The following CSMD1 variants were observed in gnomAD, a reference collection of about 807,000 sequenced individuals.
The protein encoded by CSMD1 is CUB and Sushi multiple domains 1.
CSMD1 carries 213 observed loss-of-function variants against 417.5 expected under a neutral mutation model. The observed-to-expected ratio is 0.51, with a 90% CI of 0.46 to 0.57. The LOEUF is 0.57. Among genes scored for constraint, CSMD1 ranks in the 20% least tolerant of loss-of-function variants. CSMD1 has a pLI of 0.00. For missense variants in CSMD1, 6,923 were observed against 4,529.7 expected (o/e 1.53, Z -15.17); for synonymous variants, 2,862 against 1,736.8 (o/e 1.65, Z -16.11).
chr8:3,105,139 A>G (rs1180869351), intron 46 of CSMD1, among the ~76,000 whole-genome samples: 2 of 152,250 alleles, frequency 1.3e-5, no homozygotes, highest in Non-Finnish European at 2.9e-5. Context: ...TCAAAAAGAT[A>G]AATTCATTTA....
chr8:3,367,304 G>C (rs1229905135), intron 19 of CSMD1, 57 bp from the exon 20 acceptor site: 2 of 775,830 alleles, frequency 2.6e-6, no homozygotes, highest in Non-Finnish European at 3.7e-6. Context: ...ACGGGGCGGC[G>C]GGGGCAGAGA....
intron 5 of CSMD1, among the ~76,000 whole-genome samples, chr8:3,925,587 C>G (rs1483184406): frequency 1.4e-4 from 22 of 152,076 alleles, no homozygotes; most frequent in Admixed American, 7.9e-4. Flanking sequence ...TCGTGGAGAC[C>G]AGTCTTTCCC....
intron 3 of CSMD1, among the ~76,000 whole-genome samples, chr8:4,233,705 C>A (rs372465701): frequency 6.6e-6 from 1 of 152,110 alleles, no homozygotes; most frequent in Admixed American, 6.6e-5. Flanking sequence ...TTTGGTACAG[C>A]AGCCCCAACA....
intron 3 of CSMD1, among the ~76,000 whole-genome samples, chr8:4,358,658 C>A (rs1348456071): frequency 2.0e-5 from 3 of 152,136 alleles, no homozygotes; most frequent in South Asian, 4.1e-4. Flanking sequence ...CCTTTTAGTG[C>A]TAACTTGGTA....
chr8:4,872,618 C>G (rs1361361398), intron 1 of CSMD1, among the ~76,000 whole-genome samples: 1 of 152,084 alleles, frequency 6.6e-6, no homozygotes, highest in Non-Finnish European at 1.5e-5. Flanking sequence ...TCAGGCAGTT[C>G]TTTACAGTGG....
intron 8 of CSMD1, among the ~76,000 whole-genome samples, chr8:3,595,126 C>T (rs775854660): frequency 8.5e-5 from 13 of 152,296 alleles, no homozygotes; most frequent in Non-Finnish European, 1.8e-4. Flanking sequence ...TTTTACACTA[C>T]TCAGATGGGA....
At chr8:3,177,334 C>G (rs1231340985) in intron 37 of CSMD1, among the ~76,000 whole-genome samples, 1 of 152,178 alleles carries the variant, frequency 6.6e-6, no homozygotes, top group East Asian at 1.9e-4. Context: ...AGAGCTCTCC[C>G]AGCCCCCAGT....
intron 26 of CSMD1, among the ~76,000 whole-genome samples, chr8:3,256,987 G>C (rs549537459): frequency 6.6e-6 from 1 of 152,298 alleles, no homozygotes; most frequent in South Asian, 2.1e-4. Context: ...ATTTGTAAGA[G>C]AATTTTCATT....
At chr8:3,945,352 C>G (rs1171965418) in intron 5 of CSMD1, among the ~76,000 whole-genome samples, 1 of 152,002 alleles carries the variant, frequency 6.6e-6, no homozygotes, top group Non-Finnish European at 1.5e-5. Flanking sequence ...ATGATGTCCA[C>G]AAAGCTTTCA....
intron 2 of CSMD1, among the ~76,000 whole-genome samples, chr8:4,444,596 G>C (rs1030544166): frequency 2.0e-5 from 3 of 152,070 alleles, no homozygotes; most frequent in Non-Finnish European, 4.4e-5. Flanking sequence ...GAAATGCTGA[G>C]CATTCTGCAC....
At chr8:2,997,487 G>A (rs1049730252) in intron 54 of CSMD1, among the ~76,000 whole-genome samples, 2 of 152,082 alleles carry the variant, frequency 1.3e-5, no homozygotes, top group African/African-American at 2.4e-5. Flanking sequence ...ACCAATAAGA[G>A]TGATGTTGTA....
intron 18 of CSMD1, among the ~76,000 whole-genome samples, chr8:3,377,340 T>C (rs1029381127): frequency 1.2e-4 from 19 of 152,206 alleles, no homozygotes; most frequent in African/African-American, 3.4e-4. Context: ...ACAAATTCTT[T>C]ATACTGAGAA....
chr8:4,061,631 G>A (rs1798977965), intron 3 of CSMD1, among the ~76,000 whole-genome samples: 2 of 152,176 alleles, frequency 1.3e-5, no homozygotes, highest in Admixed American at 1.3e-4. Flanking sequence ...GACAGATTCT[G>A]CAAGGGAGGA....
chr8:3,959,701 A>G (rs1812194525), intron 5 of CSMD1, among the ~76,000 whole-genome samples: 1 of 152,194 alleles, frequency 6.6e-6, no homozygotes. Flanking sequence ...TCTTTATATG[A>G]TATACCTGAA....
chr8:4,418,934 G>C (rs779031529), intron 3 of CSMD1, among the ~76,000 whole-genome samples: 3 of 152,146 alleles, frequency 2.0e-5, no homozygotes, highest in Admixed American at 1.3e-4. Context: ...TTAAGCAAAA[G>C]GATAAGTCGG....
intron 6 of CSMD1, among the ~76,000 whole-genome samples, chr8:3,739,506 G>C (rs1796687802): frequency 6.6e-6 from 1 of 152,034 alleles, no homozygotes; most frequent in South Asian, 2.1e-4. Flanking sequence ...ATATCTCTCT[G>C]TATTCCACAA....
chr8:4,112,528 C>G (rs902199759), intron 3 of CSMD1, among the ~76,000 whole-genome samples: 1 of 152,152 alleles, frequency 6.6e-6, no homozygotes, highest in African/African-American at 2.4e-5. Context: ...AAAGACATCC[C>G]AAACTGGACA....
At chr8:4,936,442 A>G (rs1376795256) in intron 1 of CSMD1, among the ~76,000 whole-genome samples, 3 of 152,162 alleles carry the variant, frequency 2.0e-5, no homozygotes, top group African/African-American at 7.2e-5. Flanking sequence ...AAATAGAAGG[A>G]TTTTTGTCCA....
intron 2 of CSMD1, among the ~76,000 whole-genome samples, chr8:4,636,076 A>T (rs1021648846): frequency 6.6e-6 from 1 of 152,050 alleles, no homozygotes; most frequent in South Asian, 2.1e-4. Context: ...TATAAACTAG[A>T]TGTACACATA....
Sources: allele counts gnomAD v4.1 joint callset (sites outside exome capture counted in the v4.1 genomes callset), GRCh38; gene constraint gnomAD v4.1.1; transcripts MANE v1.5; gene names NCBI Gene and HGNC (gene_info 2026-07-23, HGNC 2026-07-21).